Variants in JAK1 observed in about 807,000 individuals in gnomAD.
JAK1 encodes the protein Janus kinase 1.
JAK1 carries 16 observed loss-of-function variants against 136.6 expected under a neutral mutation model. The observed-to-expected ratio is 0.12, with a 90% confidence interval of 0.08 to 0.18. The LOEUF (loss-of-function observed/expected upper bound fraction) is 0.18, where lower values mean the gene tolerates loss of function less well. JAK1 is among the 10% of genes least tolerant of loss of function. The pLI is 1.00. For missense variants in JAK1, 859 were observed against 1,450.1 expected, an observed-to-expected ratio of 0.59 and a Z score of 6.62; for synonymous variants, 492 against 519.5, an observed-to-expected ratio of 0.95 and a Z score of 0.72.
intron 4 of JAK1, among the ~76,000 whole-genome samples, chr1:64,876,800 A>C (rs1644677430): frequency 6.6e-6 from 1 of 152,246 alleles, no homozygotes; most frequent in Non-Finnish European, 1.5e-5. Flanking sequence ...GGAGGAACAA[A>C]GCAGGAAGAA....
At chr1:65,018,055 C>T (rs765526096) in intron 2 of JAK1, among the ~76,000 whole-genome samples, 11 of 152,102 alleles carry the variant, frequency 7.2e-5, no homozygotes, top group Non-Finnish European at 1.0e-4. Flanking sequence ...GGGTGATCCT[C>T]CCGCCTCAGC....
At chr1:64,980,738 G>A (rs1185853217) in intron 2 of JAK1, among the ~76,000 whole-genome samples, 4 of 142,090 alleles carry the variant, frequency 2.8e-5, no homozygotes, top group Non-Finnish European at 4.5e-5. Flanking sequence ...CCTACCCCAC[G>A]ACAGGCCCTG....
chr1:64,985,245 A>C (rs2100706590), intron 2 of JAK1: 1 of 1,603,896 alleles, frequency 6.2e-7, no homozygotes, highest in Non-Finnish European at 8.5e-7. Flanking sequence ...AGTATTGATT[A>C]CAGAGAGCTG....
chr1:64,886,295 C>T lies in JAK1; in HGVS notation c.-31G>A. On this transcript the variant is annotated 5_prime_UTR_variant, in exon 2 of 25. Transcript: ENST00000342505. ...CAGCTGTCCAGTGTTCTCCAAGAAG[C>T]AAACTGGATTTTCTTCTCTACTTTC... The T allele has an allele frequency of 6.3e-7, 1 of 1,592,964 alleles. No individual in the cohort carries two copies. Among genetic ancestry groups the T allele is most frequent in the East Asian group, 2.3e-5 (1 of 43,918 alleles).
chr1:64,839,610 T>C lies in JAK1; in HGVS notation c.2835A>G (p.Thr945=), dbSNP rs370093760. ...CAGCCTTGCATAACATACCGTCTTC[T>C]GTGCAGATTCCTTTGTACTTCACAA... The part of the protein sequence containing the change: ...ENIVKYKGIC[T]EDGGNGIKLI... Residue 945 remains threonine, a synonymous_variant, in exon 20 of 25, where the codon ACA becomes ACG. Transcript: ENST00000342505. 2.5e-6 allele frequency: 4 copies of C among 1,613,736 alleles called. No homozygotes were observed. Among genetic ancestry groups the C allele is most frequent in the South Asian group, 2.2e-5 (2 of 91,050 alleles).
intron 13 of JAK1, 117 bp from the exon 14 acceptor site, chr1:64,846,853 C>T: frequency 4.2e-6 from 3 of 722,484 alleles, no homozygotes; most frequent in Non-Finnish European, 7.2e-6. Context: ...GTCGCCACCC[C>T]AGGCCCTGAA....
intron 2 of JAK1, chr1:64,990,966 A>C: frequency 6.6e-6 from 1 of 151,302 alleles, no homozygotes; most frequent in South Asian, 2.1e-4. Flanking sequence ...AAAAGAAAAG[A>C]AGCTGACAAA....
At position 65,038,964 on chromosome 1, in the gene JAK1, T is replaced by G. The variant is rs867801475; in HGVS notation, c.-78+5516A>C. 6.9e-4 allele frequency among the ~76,000 whole-genome samples: 69 copies of G among 100,148 alleles called. 1 individual carries two copies. In the South Asian group the frequency reaches 8.5e-3, roughly 12 times the overall value. The allele number at this position is 100,148 out of a possible 152,430, so 65.7% of individuals were successfully genotyped here. The stretch of plus-strand genomic sequence containing the variant: ...TGTGTGTGTGTGTGTGTGTGTGTGT[T>G]TGTGTGTGTTTGTGTAGAGACAGGA... On this transcript the variant is annotated intron_variant, in intron 2 of 25. Transcript: ENST00000671954.
rs1654238705 is a variant in JAK1 at position 64,833,255 on chromosome 1, T to TAAAG, written c.*1303_*1306dup. ...AAAGTCTTTAGTATATTTATTTGTA[T>TAAAG]AAAGAGTAAACAAAGTGCATATAGA... On this transcript the variant is annotated 3_prime_UTR_variant, in exon 25 of 25. Coordinates refer to ENST00000342505, the MANE Select transcript of JAK1 (RefSeq NM_002227.4). The TAAAG allele has an allele frequency of 1.7e-5, 4 of 228,696 alleles. No homozygotes were observed. The highest frequency in any genetic ancestry group is 3.6e-4 in the South Asian group (2 of 5,490). The allele number at this position is 228,696 out of a possible 1,614,324, so 14.2% of individuals were successfully genotyped here.
At chr1:64,979,741 T>C (rs1236874126) in intron 2 of JAK1, 3 of 151,974 alleles carry the variant, frequency 2.0e-5, no homozygotes, top group African/African-American at 4.8e-5. Context: ...ATCTGAAAAA[T>C]AGATAATCAA....
chr1:65,046,348 C>G (rs1484833172), intron 1 of JAK1, among the ~76,000 whole-genome samples: 4 of 152,168 alleles, frequency 2.6e-5, no homozygotes, highest in Admixed American at 2.6e-4. Flanking sequence ...GAGGCCATGC[C>G]AAAGGGAGCC....
At chr1:65,021,005 C>T (rs573542818) in intron 2 of JAK1, among the ~76,000 whole-genome samples, 5 of 152,214 alleles carry the variant, frequency 3.3e-5, no homozygotes, top group South Asian at 4.2e-4. Flanking sequence ...CCACAGTGAC[C>T]GCATACAAAG....
At chr1:64,978,149 G>A (rs1386275298) in intron 2 of JAK1, among the ~76,000 whole-genome samples, 6 of 151,974 alleles carry the variant, frequency 3.9e-5, no homozygotes, top group South Asian at 2.1e-4. Flanking sequence ...GTGGTGGTGC[G>A]CGCCTGTAGT....
chr1:64,860,420 ATTTATTTATT>A (rs1656221854), intron 8 of JAK1, among the ~76,000 whole-genome samples, 158 bp from the exon 9 acceptor site: 2 of 28,052 alleles, frequency 7.1e-5, no homozygotes, highest in Non-Finnish European at 1.2e-4. Flanking sequence ...CCTTGCATGC[ATTTATTTATT>A]TATTTATTTA....
chr1:64,931,760 G>A (rs1191942461), intron 1 of JAK1, among the ~76,000 whole-genome samples: 3 of 151,998 alleles, frequency 2.0e-5, no homozygotes, highest in African/African-American at 4.8e-5. Context: ...GAGGCACTCT[G>A]GTAAGGGAAT....
chr1:65,035,797 G>A (rs989126278), intron 2 of JAK1, among the ~76,000 whole-genome samples: 37 of 152,126 alleles, frequency 2.4e-4, no homozygotes, highest in Admixed American at 2.1e-3. Flanking sequence ...GGCCGGACGC[G>A]GTGGTTCACG....
At chr1:65,061,414 C>T (rs1412268081) in intron 1 of JAK1, among the ~76,000 whole-genome samples, 1 of 152,058 alleles carries the variant, frequency 6.6e-6, no homozygotes, top group African/African-American at 2.4e-5. Context: ...ATGTGGAGTA[C>T]AAATAAAAGC....
intron 1 of JAK1, chr1:64,942,451 T>C (rs1645907072): frequency 6.6e-6 from 1 of 152,246 alleles, no homozygotes; most frequent in Admixed American, 6.5e-5. Context: ...TTTGTTTTTA[T>C]ATCGCAGACT....
At chr1:64,985,643 T>C (rs2100707739) in intron 2 of JAK1, 1 of 758,380 alleles carries the variant, frequency 1.3e-6, no homozygotes, top group African/African-American at 1.7e-5. Context: ...CAAAGACACC[T>C]TGCAGGCCAA....
Sources: gnomAD v4.1 joint callset for allele counts (sites outside exome capture counted in the v4.1 genomes callset) on GRCh38, gnomAD v4.1.1 for gene constraint, MANE v1.5 for transcripts, NCBI Gene and HGNC (gene_info 2026-07-23, HGNC 2026-07-21) for gene names.